ARHGAP44: variants seen among roughly 807,000 people sequenced by gnomAD.
ARHGAP44 encodes Rho GTPase activating protein 44.
ARHGAP44 carries 43 observed loss-of-function variants against 106.8 expected under a neutral mutation model. That is an observed-to-expected ratio of 0.40 (90% CI 0.32 to 0.52). The LOEUF is 0.52. Ranked by LOEUF, ARHGAP44 falls within the 20% of genes least tolerant of loss-of-function variation. The probability of loss-of-function intolerance (pLI) is 0.48; values close to 1 mark genes in which losing one functional copy is unlikely to be tolerated. For missense variants in ARHGAP44, 866 were observed against 1,050.5 expected, an observed-to-expected ratio of 0.82 and a Z score of 2.43; for synonymous variants, 439 against 410.3, an observed-to-expected ratio of 1.07 and a Z score of -0.85.
chr17:12,958,999 A>G lies in ARHGAP44; in HGVS notation c.1523+102A>G, dbSNP rs780232412. 3 of 1,350,814 alleles carry G rather than the reference A, an allele frequency of 2.2e-6. No individual in the cohort carries two copies. In the Admixed American group the frequency reaches 5.9e-5, roughly 27 times the overall value. 83.7% of individuals were successfully genotyped at this position (1,350,814 alleles called of 1,614,324 possible). ...ATACAATTACGGGAAGGCTGCACTG[A>G]CTCTCAGCAGTTTAGGTGACTCGTA... On this transcript the variant is annotated intron_variant, in intron 16 of 20. Coordinates refer to ENST00000379672, the MANE Select transcript of ARHGAP44 (RefSeq NM_014859.6). The surrounding 1 kb of genome is among the most constrained non-coding windows in gnomAD (Gnocchi z 4.1).
Position 12,991,244 on chromosome 17 carries a change from A to G in ARHGAP44, c.*1073A>G, listed in dbSNP as rs1228775747. 1.3e-5 allele frequency: 2 copies of G among 152,632 alleles called. No individual in the cohort carries two copies. Among genetic ancestry groups the G allele is most frequent in the Non-Finnish European group, 2.9e-5 (2 of 68,050 alleles). The allele number at this position is 152,632 out of a possible 1,614,324, so 9.5% of individuals were successfully genotyped here. ...CACACTTGGGGATTAGGGGAGTGAG[A>G]AAAGATTTGGGCCATGCATGCAAAG... On this transcript the variant is annotated 3_prime_UTR_variant, in exon 21 of 21. Coordinates refer to ENST00000379672, the MANE Select transcript of ARHGAP44 (RefSeq NM_014859.6).
intron 4 of ARHGAP44, among the ~76,000 whole-genome samples, 168 bp downstream of exon 4, chr17:12,909,141 A>G (rs1344761299): frequency 1.7e-4 from 26 of 152,206 alleles, no homozygotes; most frequent in Admixed American, 1.6e-3. Flanking sequence ...CTAAAGTCAT[A>G]TTGTCTGTGC....
intron 18 of ARHGAP44, among the ~76,000 whole-genome samples, chr17:12,977,206 T>C (rs972906854): frequency 2.8e-4 from 43 of 152,304 alleles, no homozygotes; most frequent in African/African-American, 1.0e-3. Context: ...GTAACTTTTC[T>C]TTGGATGTTA....
At chr17:12,861,784 A>G (rs1056089446) in intron 1 of ARHGAP44, among the ~76,000 whole-genome samples, 10 of 151,530 alleles carry the variant, frequency 6.6e-5, no homozygotes, top group African/African-American at 2.4e-4. Flanking sequence ...ACAGGTACCC[A>G]CCACCACGCC....
chr17:12,869,949 T>G (rs1324648253), intron 1 of ARHGAP44, among the ~76,000 whole-genome samples: 2 of 151,976 alleles, frequency 1.3e-5, no homozygotes, highest in Non-Finnish European at 2.9e-5. Flanking sequence ...CTGTGAAGGG[T>G]TGGGGACAAA....
intron 1 of ARHGAP44, among the ~76,000 whole-genome samples, chr17:12,791,593 T>C (rs1247342405): frequency 1.3e-5 from 2 of 152,188 alleles, no homozygotes; most frequent in Non-Finnish European, 2.9e-5. Context: ...ACACAATTCT[T>C]CTTTTTTTCA....
At position 12,952,571 on chromosome 17, in the gene ARHGAP44, A is replaced by G; in HGVS notation, c.1126A>G (p.Asn376Asp). 6.4e-7 allele frequency: 1 copy of G among 1,570,178 alleles called. No individual in the cohort carries two copies. The highest frequency in any genetic ancestry group is 8.6e-7 in the Non-Finnish European group (1 of 1,156,930). ...TGAAAAGTTGCCCAAGGCCAATCAC[A>G]ACAACATCCGGTAAGTGGATACTTA... ...ACEKLPKANHNNIRYLIKFLS... is the reference protein window; with the variant it reads ...ACEKLPKANHDNIRYLIKFLS... The change falls in exon 13 of 21, where the codon AAC becomes GAC. Residue 376 changes from asparagine (N) to aspartate (D), a missense_variant. Transcript: ENST00000379672.
rs1206484982 is a variant in ARHGAP44 at position 12,990,028 on chromosome 17, C to T, written c.2318-4C>T. On this transcript the variant is annotated splice_region_variant and splice_polypyrimidine_tract_variant and intron_variant, in intron 20 of 20. Transcript: ENST00000379672. ...CAACCACCTCTCTCTCTGCCGCCTT[C>T]CAGATCTTGTCCACTTTGATATTCC... 6.3e-7 allele frequency: 1 copy of T among 1,598,252 alleles called. No homozygotes were observed. Among genetic ancestry groups the T allele is most frequent in the Non-Finnish European group, 8.6e-7 (1 of 1,166,552 alleles).
Position 12,943,668 on chromosome 17 carries a change from G to C in ARHGAP44, c.732G>C (p.Gln244His), listed in dbSNP as rs2038764370. Reference sequence around the variant, plus strand: ...TATTGCCTCAGATCAAAGCACAACAGGGTAAGTGCAGGCCTTCCCTGGAGA... The same window carrying C: ...TATTGCCTCAGATCAAAGCACAACACGGTAAGTGCAGGCCTTCCCTGGAGA... The part of the protein sequence containing the change: ...QAVLPQIKAQ[Q>H]EAWVEKPSFG... Residue 244 changes from glutamine to histidine, a missense_variant and splice_region_variant, in exon 9 of 21, where the codon CAG (glutamine) becomes CAC (histidine). Physicochemically the swap from Gln to His is conservative, Grantham distance 24 (BLOSUM62 0). Coordinates refer to ENST00000379672, the MANE Select transcript of ARHGAP44 (RefSeq NM_014859.6). 6.2e-7 allele frequency: 1 copy of C among 1,613,662 alleles called. No individual in the cohort carries two copies. The highest frequency in any genetic ancestry group is 8.5e-7 in the Non-Finnish European group (1 of 1,179,836).
intron 1 of ARHGAP44, among the ~76,000 whole-genome samples, chr17:12,817,197 A>C (rs1003157507): frequency 6.6e-6 from 1 of 152,122 alleles, no homozygotes; most frequent in African/African-American, 2.4e-5. Flanking sequence ...TGGGAAATTA[A>C]AAAGTATTTA....
intron 1 of ARHGAP44, among the ~76,000 whole-genome samples, chr17:12,813,549 A>G (rs558224257): frequency 1.1e-4 from 16 of 152,212 alleles, no homozygotes; most frequent in Non-Finnish European, 2.2e-4. Context: ...TTCTATCTGC[A>G]TATGAGCTTC....
chr17:12,856,353 T>G (rs917624685), intron 1 of ARHGAP44, among the ~76,000 whole-genome samples: 4 of 152,000 alleles, frequency 2.6e-5, no homozygotes, highest in Non-Finnish European at 5.9e-5. Context: ...CTTCCAGAGG[T>G]TTTAGGGCAG....
In ARHGAP44 at chr17:12,949,328, G is replaced by T; in HGVS notation, c.973+77G>T. 7.0e-7 allele frequency: 1 copy of T among 1,432,416 alleles called. No individual in the cohort carries two copies. The highest frequency in any genetic ancestry group is 9.5e-7 in the Non-Finnish European group (1 of 1,050,648). The allele number at this position is 1,432,416 out of a possible 1,614,324, so 88.7% of individuals were successfully genotyped here. A position where few individuals can be genotyped will look rare whatever the true frequency, so the allele number is the denominator to read the frequency against. On this transcript the variant is annotated intron_variant, in intron 11 of 20. Coordinates refer to ENST00000379672, the MANE Select transcript of ARHGAP44 (RefSeq NM_014859.6). The surrounding 1 kb of genome is among the most constrained non-coding windows in gnomAD (Gnocchi z 4.1). The stretch of plus-strand genomic sequence containing the variant: ...TAGAGGGGAGGCTGTGTGGCTACAA[G>T]TCCAGGACACTCAAGTCAGTGGCTG...
At chr17:12,859,204 A>C (rs1359161424) in intron 1 of ARHGAP44, among the ~76,000 whole-genome samples, 1 of 152,190 alleles carries the variant, frequency 6.6e-6, no homozygotes, top group African/African-American at 2.4e-5. Context: ...AATGCCATCT[A>C]CGAGCCAAGG....
chr17:12,991,612 T>G lies in ARHGAP44; in HGVS notation c.*1441T>G, dbSNP rs561826397. ...TACATGTACAAATCGTTGTCAAAAGTAACGTTATTAAAATAGATTTATTAT... is the reference window on the plus strand; with the variant it reads ...TACATGTACAAATCGTTGTCAAAAGGAACGTTATTAAAATAGATTTATTAT... On this transcript the variant is annotated 3_prime_UTR_variant, in exon 21 of 21. Coordinates refer to ENST00000379672, the MANE Select transcript of ARHGAP44 (RefSeq NM_014859.6). 3 of 183,318 alleles carry G rather than the reference T, an allele frequency of 1.6e-5. No homozygotes were observed. Among genetic ancestry groups the G allele is most frequent in the South Asian group, 3.9e-4 (2 of 5,088 alleles). The allele number at this position is 183,318 out of a possible 1,614,324, so 11.4% of individuals were successfully genotyped here. A position where few individuals can be genotyped will look rare whatever the true frequency, so the allele number is the denominator to read the frequency against.
chr17:12,932,768 A>G (rs913459553), intron 7 of ARHGAP44, among the ~76,000 whole-genome samples: 11 of 150,854 alleles, frequency 7.3e-5, no homozygotes, highest in Admixed American at 4.0e-4. Context: ...TAAATAAGCC[A>G]CCTTCCCCTG....
At chr17:12,975,030 A>G (rs1567718947) in intron 18 of ARHGAP44, among the ~76,000 whole-genome samples, 1 of 151,986 alleles carries the variant, frequency 6.6e-6, no homozygotes, top group Non-Finnish European at 1.5e-5. Flanking sequence ...TTGTATTTTT[A>G]GTAGAGATGG....
Position 12,955,887 on chromosome 17 carries a change from C to G in ARHGAP44, c.1157C>G (p.Ser386Cys). The change falls in exon 14 of 21, where the codon TCC becomes TGC. Residue 386 changes from serine (S) to cysteine (C), a missense_variant. This residue lies in a region of ARHGAP44 where 448 missense variants were observed against 646.9 expected (regional missense o/e 0.69). Coordinates refer to ENST00000379672, the MANE Select transcript of ARHGAP44 (RefSeq NM_014859.6). ...NNIRYLIKFL[S>C]KLSEYQDVNK... ...TTTAGATACTTGATAAAATTTTTAT[C>G]CAAGCTGTCAGAATATCAAGATGTA... The G allele has an allele frequency of 6.2e-7, 1 of 1,612,976 alleles. No individual in the cohort carries two copies. Among genetic ancestry groups the G allele is most frequent in the Non-Finnish European group, 8.5e-7 (1 of 1,179,442 alleles).
chr17:12,824,783 G>A (rs761436097), intron 1 of ARHGAP44, among the ~76,000 whole-genome samples: 6 of 151,636 alleles, frequency 4.0e-5, no homozygotes, highest in African/African-American at 1.2e-4. Context: ...CCCCTCGTAC[G>A]TCCTTCCTTT....
Sources: gnomAD v4.1 joint callset for allele counts (sites outside exome capture counted in the v4.1 genomes callset) on GRCh38, gnomAD v4.1.1 for gene constraint, gnomAD v4.1.1 regional missense constraint, Gnocchi (gnomAD v3.1) non-coding constraint, MANE v1.5 for transcripts, NCBI Gene and HGNC (gene_info 2026-07-23, HGNC 2026-07-21) for gene names.